Variants in CATSPER4 observed in about 807,000 individuals in gnomAD.
CATSPER4 encodes the protein cation channel sperm-associated protein 4.
A neutral mutation model predicts 54.4 loss-of-function variants in CATSPER4; 46 were observed. The ratio of observed to expected loss-of-function variants is 0.84; its 90% CI spans 0.67 to 1.08. CATSPER4 has a LOEUF of 1.08. CATSPER4 is among the 50% of genes least tolerant of loss of function. CATSPER4 has a pLI of 0.00. For synonymous variants in CATSPER4, 230 were observed against 231.9 expected (o/e 0.99, Z 0.08); for missense variants, 574 against 612.8 (o/e 0.94, Z 0.67).
chr1:26,193,738 C>G, intron 2 of CATSPER4, 49 bp from the exon 3 acceptor site: 1 of 1,279,142 alleles, frequency 7.8e-7, no homozygotes, highest in Non-Finnish European at 1.1e-6. Flanking sequence ...TGCCCAGGCC[C>G]TGCTCCACTG....
intron 2 of CATSPER4, 31 bp downstream of exon 2, chr1:26,191,461 A>G (rs1207515627): frequency 6.2e-7 from 1 of 1,612,106 alleles, no homozygotes; most frequent in African/African-American, 1.3e-5. Context: ...CTGCCCCACT[A>G]ACCCTAATGG....
intron 2 of CATSPER4, among the ~76,000 whole-genome samples, chr1:26,192,332 G>A (rs1338465983): frequency 6.6e-6 from 1 of 151,950 alleles, no homozygotes; most frequent in Non-Finnish European, 1.5e-5. Context: ...GTTCATGCCT[G>A]TAATCCCAAC....
chr1:26,201,690 CTTTTT>C (rs57008544), intron 9 of CATSPER4, 171 bp downstream of exon 9: 97 of 396,994 alleles, frequency 2.4e-4, no homozygotes, highest in Middle Eastern at 7.9e-4. Flanking sequence ...TCTTTCTTTC[CTTTTT>C]TTTTTTTTTT....
chr1:26,198,231 T>A, intron 5 of CATSPER4, 55 bp from the exon 6 acceptor site: 1 of 1,614,144 alleles, frequency 6.2e-7, no homozygotes, highest in Non-Finnish European at 8.5e-7. Flanking sequence ...CATTTGTGTG[T>A]CCTATTTCCA....
intron 2 of CATSPER4, among the ~76,000 whole-genome samples, chr1:26,192,608 G>A (rs1027871171): frequency 1.7e-5 from 2 of 117,616 alleles, no homozygotes; most frequent in Non-Finnish European, 3.5e-5. Flanking sequence ...AATTTTTTTT[G>A]TAGAGACAGG....
chr1:26,198,304 G>C lies in CATSPER4; in HGVS notation c.697G>C (p.Val233Leu). The part of the protein sequence containing the change: ...FFMLVFSVFG[V>L]TLFGAFVPKH... ...CTGACAGGTTTTTTCCGTGTTTGGAGTAACACTCTTTGGTGCATTCGTGCC... is the reference window on the plus strand; with the variant it reads ...CTGACAGGTTTTTTCCGTGTTTGGACTAACACTCTTTGGTGCATTCGTGCC... Residue 233 changes from valine to leucine, a missense_variant, in exon 6 of 10, where the codon GTA becomes CTA. By Grantham distance (32) the Val-to-Leu change is conservative. Coordinates refer to ENST00000456354, the MANE Select transcript of CATSPER4 (RefSeq NM_198137.2). 2 of 1,614,206 alleles carry C rather than the reference G, an allele frequency of 1.2e-6. No homozygotes were observed. The highest frequency in any genetic ancestry group is 1.7e-5 in the Admixed American group (1 of 60,028).
At chr1:26,195,333 C>T (rs767395323) in intron 3 of CATSPER4, among the ~76,000 whole-genome samples, 8 of 152,182 alleles carry the variant, frequency 5.3e-5, no homozygotes, top group Non-Finnish European at 8.8e-5. Flanking sequence ...GCTCCCAGTT[C>T]GGCAGGCTGT....
At chr1:26,190,901 C>T (rs1392599974) in intron 1 of CATSPER4, 61 bp downstream of exon 1, 2 of 1,494,280 alleles carry the variant, frequency 1.3e-6, no homozygotes, top group African/African-American at 2.8e-5. Context: ...GGCAGCAGGC[C>T]CTCATGGTAA....
At chr1:26,193,025 C>T (rs1160838904) in intron 2 of CATSPER4, among the ~76,000 whole-genome samples, 3 of 151,524 alleles carry the variant, frequency 2.0e-5, no homozygotes, top group African/African-American at 7.3e-5. Flanking sequence ...TCGCTTGAAC[C>T]CAGGAGGCGG....
chr1:26,197,776 ACT>A lies in CATSPER4; in HGVS notation c.554_555del (p.Leu185GlnfsTer28), dbSNP rs775296216. 6.2e-7 allele frequency: 1 copy of A among 1,611,738 alleles called. No individual in the cohort carries two copies. The highest frequency in any genetic ancestry group is 1.1e-5 in the South Asian group (1 of 91,036). ...AATCAATATTCCCTCCATCAACTAC[ACT>A]CTCAGGTGAGCGGGGAGCTCTGGAG... ...NEINIPSINY[T>X]LRALRLVHVC... On this transcript the variant is annotated frameshift_variant, in exon 4 of 10. Transcript: ENST00000456354. LOFTEE classifies it high-confidence loss of function.
intron 6 of CATSPER4, among the ~76,000 whole-genome samples, chr1:26,199,419 G>A (rs983737670): frequency 2.8e-5 from 4 of 144,038 alleles, no homozygotes; most frequent in Middle Eastern, 7.3e-3. Flanking sequence ...GTGACAGAGT[G>A]AGACTCTGTC....
At chr1:26,191,226 C>T (rs912200260) in intron 1 of CATSPER4, 61 bp from the exon 2 acceptor site, 6 of 1,602,022 alleles carry the variant, frequency 3.7e-6, no homozygotes, top group Non-Finnish European at 5.1e-6. Context: ...TAAGAGCAAA[C>T]CCCCAGGCAG....
At chr1:26,194,073 G>C (rs542633467) in intron 3 of CATSPER4, among the ~76,000 whole-genome samples, 185 bp downstream of exon 3, 10 of 152,292 alleles carry the variant, frequency 6.6e-5, no homozygotes, top group African/African-American at 2.4e-4. Context: ...CAGCCTCCCT[G>C]GGCTCCAATT....
chr1:26,196,144 C>CTTTTTTTTTTTTTTTTTTTTTTTTTT, intron 3 of CATSPER4, among the ~76,000 whole-genome samples: 1 of 125,274 alleles, frequency 8.0e-6, no homozygotes. Flanking sequence ...CTTTCTTTTC[C>CTTTTTTTTTTTTTTTTTTTTTTTTTT]TTTTTTTTTT....
At position 26,199,629 on chromosome 1, in the gene CATSPER4, T is replaced by C. The variant is rs149443714; in HGVS notation, c.813-255T>C. On this transcript the variant is annotated intron_variant, in intron 6 of 9. Coordinates refer to ENST00000456354, the MANE Select transcript of CATSPER4 (RefSeq NM_198137.2). Reference sequence around the variant, plus strand: ...AAAAAAAAGGAGTGTAGCTAATAGATTAAACTTAATAGTGTTGATGTGCAC... The same window carrying C: ...AAAAAAAAGGAGTGTAGCTAATAGACTAAACTTAATAGTGTTGATGTGCAC... 4.3e-3 allele frequency among the ~76,000 whole-genome samples: 635 copies of C among 147,066 alleles called. 7 individuals are homozygous for C. Among genetic ancestry groups the C allele is most frequent in the African/African-American group, 0.015 (598 of 39,596 alleles).
intron 9 of CATSPER4, 118 bp from the exon 10 acceptor site, chr1:26,202,371 T>TGAA: frequency 1.1e-6 from 1 of 869,796 alleles, no homozygotes; most frequent in Non-Finnish European, 1.9e-6. Context: ...GTTAGACCTA[T>TGAA]GAAGCACTTC....
intron 6 of CATSPER4, 152 bp downstream of exon 6, chr1:26,198,571 T>G: frequency 4.0e-5 from 36 of 909,162 alleles, no homozygotes; most frequent in Non-Finnish European, 5.5e-5. Context: ...GAAAAGGAAA[T>G]ACCTGGACTT....
At chr1:26,194,829 G>A (rs930903428) in intron 3 of CATSPER4, among the ~76,000 whole-genome samples, 1 of 152,102 alleles carries the variant, frequency 6.6e-6, no homozygotes, top group East Asian at 1.9e-4. Context: ...GCTCATGCCT[G>A]TAATCCCAAC....
At position 26,200,820 on chromosome 1, in the gene CATSPER4, CG is replaced by C. The variant is rs756681390; in HGVS notation, c.988-9del. 3.7e-6 allele frequency: 6 copies of C among 1,612,176 alleles called. No individual in the cohort carries two copies. In the Admixed American group the frequency reaches 5.0e-5, roughly 13 times the overall value. ...GCTGTCCCGACCCCTCTCTATCCCC[CG>C]CTTCCCAGACAGGCGCAGAGGAAGA... On this transcript the variant is annotated splice_polypyrimidine_tract_variant and intron_variant, in intron 7 of 9. Transcript: ENST00000456354.
Sources: gnomAD v4.1 joint callset for allele counts (sites outside exome capture counted in the v4.1 genomes callset) on GRCh38, gnomAD v4.1.1 for gene constraint, MANE v1.5 for transcripts, NCBI Gene and HGNC (gene_info 2026-07-23, HGNC 2026-07-21) for gene names.